Variants in MROH9 observed in about 807,000 individuals in gnomAD.
MROH9 encodes maestro heat-like repeat-containing protein family member 9.
A neutral mutation model predicts 98.2 loss-of-function variants in MROH9; 92 were observed. The observed-to-expected ratio is 0.94, with a 90% CI of 0.79 to 1.11. The LOEUF is 1.11. Among genes scored for constraint, MROH9 ranks in the 50% most tolerant of loss-of-function variants. The pLI is 0.00. For missense variants in MROH9, 1,057 were observed against 1,014.8 expected, an observed-to-expected ratio of 1.04 and a Z score of -0.57; for synonymous variants, 397 against 368.9, an observed-to-expected ratio of 1.08 and a Z score of -0.87.
At position 170,959,481 on chromosome 1, in the gene MROH9, C is replaced by A. The variant is rs761336475; in HGVS notation, c.172C>A (p.Gln58Lys). 6.2e-7 allele frequency: 1 copy of A among 1,610,206 alleles called. No homozygotes were observed. Among genetic ancestry groups the A allele is most frequent in the Non-Finnish European group, 8.5e-7 (1 of 1,178,364 alleles). The change falls in exon 5 of 22, where the codon CAG (glutamine) becomes AAG (lysine). Residue 58 changes from glutamine to lysine, a missense_variant. By Grantham distance (53) the Gln-to-Lys change is moderately conservative. Coordinates refer to ENST00000367759, the MANE Select transcript of MROH9 (RefSeq NM_001163629.2). ...TGTCAGCTTTGTGGATCCCTTACTG[C>A]AGTTTGAATCTCAGTTGAAGATAAT... ...VNSSFVDPLL[Q>K]FESQLKIIES...
intron 1 of MROH9, among the ~76,000 whole-genome samples, chr1:170,945,115 G>T (rs931238284): frequency 6.6e-6 from 1 of 151,878 alleles, no homozygotes; most frequent in Non-Finnish European, 1.5e-5. Context: ...GCAAGAAACC[G>T]CAGACGGCTT....
intron 1 of MROH9, among the ~76,000 whole-genome samples, chr1:170,942,368 GACACACACACACAC>G (rs10529238): frequency 0.15 from 22,035 of 145,034 alleles, 2,112 homozygotes; most frequent in East Asian, 0.38. Flanking sequence ...ATGTAGAGTA[GACACACACACACAC>G]ACACACACAC....
chr1:171,027,789 T>C (rs1652769901), intron 20 of MROH9, among the ~76,000 whole-genome samples: 1 of 152,254 alleles, frequency 6.6e-6, no homozygotes, highest in South Asian at 2.1e-4. Context: ...TTGATTTGCA[T>C]TTCTCTAATG....
chr1:171,038,989 C>T (rs1653201589), intron 20 of MROH9, among the ~76,000 whole-genome samples: 1 of 152,042 alleles, frequency 6.6e-6, no homozygotes, highest in Non-Finnish European at 1.5e-5. Context: ...TGGTAGCAAC[C>T]CGGATGTAGC....
At position 171,064,552 on chromosome 1, in the gene MROH9, G is replaced by A. The variant is rs1051980948; in HGVS notation, c.*212G>A. ...TCTGAGAGAACTAGTGCCTCTGTAT[G>A]TCTGACAGTGATCAGAAGCCCTATT... On this transcript the variant is annotated 3_prime_UTR_variant, in exon 22 of 22. Coordinates refer to ENST00000367759, the MANE Select transcript of MROH9 (RefSeq NM_001163629.2). The A allele has an allele frequency of 4.2e-6, 2 of 471,710 alleles. No individual in the cohort carries two copies. The highest frequency in any genetic ancestry group is 3.7e-6 in the Non-Finnish European group (1 of 273,290). 29.2% of individuals were successfully genotyped at this position (471,710 alleles called of 1,614,324 possible). A position where few individuals can be genotyped will look rare whatever the true frequency, so the allele number is the denominator to read the frequency against.
intron 20 of MROH9, among the ~76,000 whole-genome samples, chr1:171,029,229 T>A (rs1652826905): frequency 6.6e-6 from 1 of 152,128 alleles, no homozygotes; most frequent in African/African-American, 2.4e-5. Flanking sequence ...GTTTTGTTTT[T>A]TTTTTCGGAG....
intron 15 of MROH9, among the ~76,000 whole-genome samples, chr1:170,999,429 C>T (rs192262276): frequency 2.6e-4 from 40 of 152,216 alleles, no homozygotes; most frequent in African/African-American, 9.1e-4. Context: ...GTTTTCCATT[C>T]CTGAGTTACT....
intron 3 of MROH9, among the ~76,000 whole-genome samples, chr1:170,949,537 T>G (rs944530006): frequency 6.6e-6 from 1 of 152,080 alleles, no homozygotes; most frequent in Non-Finnish European, 1.5e-5. Context: ...ATACTCCTTA[T>G]AAGTAATAAC....
chr1:171,040,499 A>G (rs951667781), intron 20 of MROH9, among the ~76,000 whole-genome samples: 9 of 152,262 alleles, frequency 5.9e-5, no homozygotes, highest in Admixed American at 3.3e-4. Flanking sequence ...CGCTAGGTAT[A>G]TGTATATCAA....
chr1:170,935,651 A>G (rs1227158543), intron 1 of MROH9, 64 bp downstream of exon 1: 1 of 152,102 alleles, frequency 6.6e-6, no homozygotes, highest in South Asian at 2.1e-4. Flanking sequence ...AATCCTGACT[A>G]CTTTTCTTAA....
At chr1:171,015,685 T>C (rs938213866) in intron 16 of MROH9, among the ~76,000 whole-genome samples, 6 of 152,156 alleles carry the variant, frequency 3.9e-5, no homozygotes, top group African/African-American at 1.2e-4. Flanking sequence ...TTAGAGGTCA[T>C]TCTGCTAGTA....
chr1:171,039,700 A>G (rs1653233227), intron 20 of MROH9, among the ~76,000 whole-genome samples: 1 of 152,142 alleles, frequency 6.6e-6, no homozygotes, highest in African/African-American at 2.4e-5. Context: ...CATTAGGGGG[A>G]ATTAATACTT....
At chr1:170,970,766 GAGAC>G (rs1650427408) in intron 7 of MROH9, among the ~76,000 whole-genome samples, 3 of 150,934 alleles carry the variant, frequency 2.0e-5, no homozygotes, top group Non-Finnish European at 3.0e-5. Context: ...GAGAGAGAGA[GAGAC>G]AGAGTGGGCA....
At chr1:171,041,269 C>T (rs560105247) in intron 20 of MROH9, among the ~76,000 whole-genome samples, 2 of 150,920 alleles carry the variant, frequency 1.3e-5, no homozygotes, top group South Asian at 4.2e-4. Context: ...TTCACTGAGG[C>T]TAATGGCCTC....
chr1:171,018,093 A>G (rs1034946272), intron 17 of MROH9, among the ~76,000 whole-genome samples: 4 of 152,110 alleles, frequency 2.6e-5, no homozygotes, highest in African/African-American at 4.8e-5. Context: ...AACCCAGCCA[A>G]TTGAGACCCT....
intron 3 of MROH9, among the ~76,000 whole-genome samples, chr1:170,953,763 G>A (rs1277543830): frequency 1.4e-5 from 2 of 138,372 alleles, no homozygotes; most frequent in Non-Finnish European, 3.1e-5. Context: ...AAAAGAAAGA[G>A]AAAGAAAGGA....
chr1:170,954,969 C>G (rs891771482), intron 3 of MROH9, among the ~76,000 whole-genome samples: 1 of 152,182 alleles, frequency 6.6e-6, no homozygotes, highest in African/African-American at 2.4e-5. Flanking sequence ...CCCCCTCCCA[C>G]TCTTTCCTCC....
intron 12 of MROH9, 100 bp from the exon 13 acceptor site, chr1:170,995,289 A>G: frequency 7.7e-7 from 1 of 1,293,392 alleles, no homozygotes; most frequent in South Asian, 1.4e-5. Context: ...AGGAGGCTGA[A>G]GGAGGGGTTG....
At chr1:170,992,763 T>A (rs1651407371) in intron 12 of MROH9, among the ~76,000 whole-genome samples, 1 of 152,138 alleles carries the variant, frequency 6.6e-6, no homozygotes, top group Non-Finnish European at 1.5e-5. Flanking sequence ...GATGGACACT[T>A]ACCTTGTATG....
Sources: allele counts gnomAD v4.1 joint callset (sites outside exome capture counted in the v4.1 genomes callset), GRCh38; gene constraint gnomAD v4.1.1; transcripts MANE v1.5; gene names NCBI Gene and HGNC (gene_info 2026-07-23, HGNC 2026-07-21).